The following OR2L13 variants were observed in gnomAD, a reference collection of about 807,000 sequenced individuals.
The protein encoded by OR2L13 is olfactory receptor 2L13.
Under a neutral mutation model 15.3 loss-of-function variants are expected in OR2L13, and 14 were observed. The ratio of observed to expected loss-of-function variants is 0.91; its 90% confidence interval spans 0.60 to 1.43. The LOEUF (loss-of-function observed/expected upper bound fraction) is 1.43, where lower values mean the gene tolerates loss of function less well. Among genes scored for constraint, OR2L13 ranks in the 40% most tolerant of loss-of-function variants. The pLI is 0.00. For missense variants in OR2L13, 367 were observed against 387.9 expected, an observed-to-expected ratio of 0.95 and a Z score of 0.45; for synonymous variants, 152 against 142.9, an observed-to-expected ratio of 1.06 and a Z score of -0.45.
chr1:248,030,543 A>T, the OR2L13 span, among the ~76,000 whole-genome samples: 1 of 152,190 alleles, frequency 6.6e-6, no homozygotes, highest in Non-Finnish European at 1.5e-5. Flanking sequence ...AAGAACCCAC[A>T]TTCACAATAA....
chr1:247,994,699 A>G, the OR2L13 span, among the ~76,000 whole-genome samples: 1 of 152,138 alleles, frequency 6.6e-6, no homozygotes, highest in African/African-American at 2.4e-5. Context: ...ACTATGGTTA[A>G]TACTATTGTA....
chr1:247,957,892 A>G, the OR2L13 span, among the ~76,000 whole-genome samples: 1 of 152,114 alleles, frequency 6.6e-6, no homozygotes, highest in Non-Finnish European at 1.5e-5. Context: ...TCAAAAAACC[A>G]GCTCCTGGAT....
chr1:247,974,578 A>G, the OR2L13 span, among the ~76,000 whole-genome samples: 1 of 152,162 alleles, frequency 6.6e-6, no homozygotes, highest in African/African-American at 2.4e-5. Flanking sequence ...TATCATAAGT[A>G]TATATGGATC....
the OR2L13 span, among the ~76,000 whole-genome samples, chr1:248,058,290 T>G: frequency 3.8e-4 from 58 of 152,230 alleles, no homozygotes; most frequent in African/African-American, 1.4e-3. Context: ...AGACAATACA[T>G]TCATCTGATA....
the OR2L13 span, chr1:248,060,833 A>G: frequency 3.7e-6 from 6 of 1,613,752 alleles, no homozygotes; most frequent in East Asian, 2.2e-5. Context: ...ATCTTCTTGG[A>G]CACCCATCTC....
the OR2L13 span, among the ~76,000 whole-genome samples, chr1:247,952,660 T>C: frequency 2.0e-5 from 3 of 152,202 alleles, no homozygotes; most frequent in Non-Finnish European, 2.9e-5. Context: ...CAGTTTAAGA[T>C]ATTTTTTCAT....
the OR2L13 span, among the ~76,000 whole-genome samples, chr1:248,074,102 T>C: frequency 6.6e-6 from 1 of 152,020 alleles, no homozygotes; most frequent in Non-Finnish European, 1.5e-5. Context: ...AAAATACTTT[T>C]CTCCAGAATA....
At chr1:247,994,931 A>G in the OR2L13 span, among the ~76,000 whole-genome samples, 1 of 152,174 alleles carries the variant, frequency 6.6e-6, no homozygotes, top group Non-Finnish European at 1.5e-5. Flanking sequence ...TCCTGGAATT[A>G]TCTAATTAAA....
chr1:248,097,856 G>A (rs1197000451), intron 1 of OR2L13, among the ~76,000 whole-genome samples: 1 of 152,170 alleles, frequency 6.6e-6, no homozygotes, highest in Non-Finnish European at 1.5e-5. Flanking sequence ...TAAGGCCTGG[G>A]CACATCAGGA....
At chr1:248,015,201 G>A in the OR2L13 span, among the ~76,000 whole-genome samples, 857 of 152,238 alleles carry the variant, frequency 5.6e-3, 13 homozygotes, top group Middle Eastern at 0.024. Flanking sequence ...AATACATATT[G>A]TGTAAATATT....
chr1:248,082,961 G>A, the OR2L13 span, among the ~76,000 whole-genome samples: 2 of 152,146 alleles, frequency 1.3e-5, no homozygotes, highest in African/African-American at 4.8e-5. Context: ...ATTTTCCAAT[G>A]TGATTACAGT....
At chr1:247,950,084 A>G in the OR2L13 span, among the ~76,000 whole-genome samples, 1 of 151,940 alleles carries the variant, frequency 6.6e-6, no homozygotes, top group Non-Finnish European at 1.5e-5. Flanking sequence ...AAATGGCCTA[A>G]CTGAAGTTGG....
the OR2L13 span, among the ~76,000 whole-genome samples, chr1:247,995,840 A>G: frequency 6.6e-6 from 1 of 152,080 alleles, no homozygotes; most frequent in African/African-American, 2.4e-5. Context: ...ATTTTAGGAA[A>G]CCTCAAGTTT....
the OR2L13 span, among the ~76,000 whole-genome samples, chr1:248,055,115 A>G: frequency 7.8e-4 from 118 of 152,050 alleles, 1 homozygote; most frequent in Non-Finnish European, 1.9e-4. Context: ...TATGTTCCTT[A>G]AATACCTAAT....
At chr1:248,095,607 C>CGTTTTTTTTTT (rs1664715067), upstream of OR2L13, among the ~76,000 whole-genome samples, 1 of 37,294 alleles carries the variant, frequency 2.7e-5, no homozygotes, top group Admixed American at 6.4e-4. Flanking sequence ...AAAGCTGCTG[C>CGTTTTTTTTTT]TTTTTTTTTT....
the OR2L13 span, chr1:248,038,883 C>T: frequency 6.2e-7 from 1 of 1,614,188 alleles, no homozygotes; most frequent in South Asian, 1.1e-5. Context: ...CACCATCTTT[C>T]TTGTGCTTCC....
chr1:248,068,943 G>T, the OR2L13 span, among the ~76,000 whole-genome samples: 1 of 152,102 alleles, frequency 6.6e-6, no homozygotes, highest in Admixed American at 6.5e-5. Flanking sequence ...AAAAAGAAAT[G>T]AACAAAGCCT....
At chr1:248,076,618 G>T in the OR2L13 span, among the ~76,000 whole-genome samples, 2 of 152,082 alleles carry the variant, frequency 1.3e-5, no homozygotes, top group Admixed American at 6.5e-5. Flanking sequence ...GTTGTGAATG[G>T]GAGTTCACTC....
chr1:248,070,159 C>A, the OR2L13 span, among the ~76,000 whole-genome samples: 4 of 152,188 alleles, frequency 2.6e-5, no homozygotes, highest in Non-Finnish European at 5.9e-5. Context: ...CACCCCAAAT[C>A]AACAGAATAT....
Sources: allele counts gnomAD v4.1 joint callset (sites outside exome capture counted in the v4.1 genomes callset), GRCh38; gene constraint gnomAD v4.1.1; transcripts MANE v1.5; gene names NCBI Gene and HGNC (gene_info 2026-07-23, HGNC 2026-07-21).